PTGER3: variants seen among roughly 807,000 people sequenced by gnomAD.
PTGER3 encodes prostaglandin E receptor 3, also known as prostaglandin E2 receptor EP3 subtype.
Under a neutral mutation model 34.7 loss-of-function variants are expected in PTGER3, and 22 were observed. The observed-to-expected ratio is 0.63, with a 90% CI of 0.45 to 0.91. PTGER3 has a LOEUF of 0.91. Among genes scored for constraint, PTGER3 ranks in the 40% least tolerant of loss-of-function variants. The pLI, the probability that PTGER3 is intolerant of heterozygous loss-of-function variation, is 0.00. For missense variants in PTGER3, 468 were observed against 519.4 expected, an observed-to-expected ratio of 0.90 and a Z score of 0.96; for synonymous variants, 241 against 230.1, an observed-to-expected ratio of 1.05 and a Z score of -0.43.
chr1:71,008,371 A>G (rs754485401), intron 2 of PTGER3: 12 of 864,418 alleles, frequency 1.4e-5, no homozygotes, highest in African/African-American at 1.8e-5. Flanking sequence ...TTATGGTATC[A>G]TAATGTAATG....
chr1:70,960,292 T>G (rs781702357), intron 2 of PTGER3, among the ~76,000 whole-genome samples: 2 of 152,172 alleles, frequency 1.3e-5, no homozygotes, highest in Non-Finnish European at 2.9e-5. Flanking sequence ...TTCACAGTTG[T>G]GCCAGAAAAT....
At chr1:70,869,900 G>T (rs141877553) in intron 4 of PTGER3, among the ~76,000 whole-genome samples, 1 of 152,146 alleles carries the variant, frequency 6.6e-6, no homozygotes, top group East Asian at 1.9e-4. Flanking sequence ...AGTGCCAGTG[G>T]TTCTTCCATT....
chr1:70,986,252 C>T (rs1272044127), intron 2 of PTGER3, among the ~76,000 whole-genome samples: 3 of 152,134 alleles, frequency 2.0e-5, no homozygotes, highest in East Asian at 3.9e-4. Context: ...AATCGACTCT[C>T]GGGGCTGCTT....
At chr1:70,967,291 G>A (rs533338591), downstream of PTGER3, among the ~76,000 whole-genome samples, 31 of 151,764 alleles carry the variant, frequency 2.0e-4, no homozygotes, top group African/African-American at 4.6e-4. Context: ...CTGGTCCACC[G>A]AGACTATTCA....
intron 2 of PTGER3, among the ~76,000 whole-genome samples, chr1:70,978,776 C>T (rs962517938): frequency 2.0e-5 from 3 of 152,098 alleles, no homozygotes; most frequent in Non-Finnish European, 4.4e-5. Context: ...ATGCCAGCTG[C>T]CACCAAGAGG....
intron 4 of PTGER3, chr1:70,865,788 A>G (rs1403221422): frequency 7.3e-7 from 1 of 1,367,068 alleles, no homozygotes. Context: ...GGCTGAGCAC[A>G]GAACCTTGAA....
chr1:70,857,648 G>A (rs1043496425), intron 4 of PTGER3, among the ~76,000 whole-genome samples: 1 of 151,914 alleles, frequency 6.6e-6, no homozygotes, highest in Non-Finnish European at 1.5e-5. Context: ...CCATTCTCCT[G>A]CCTCAGCCTC....
At chr1:70,947,931 G>A (rs1350910910), downstream of PTGER3, among the ~76,000 whole-genome samples, 1 of 152,072 alleles carries the variant, frequency 6.6e-6, no homozygotes, top group African/African-American at 2.4e-5. Flanking sequence ...ATTCTAAGAA[G>A]CAAAATGTAA....
Position 70,928,240 on chromosome 1 carries a change from C to T in PTGER3, c.*23+25523G>A, listed in dbSNP as rs116693132. ...ATGTGTGTAAGAGATATCAGTAGGGCTGAAAACTACTGCCTTGTATAGAAA... is the reference window on the plus strand; with the variant it reads ...ATGTGTGTAAGAGATATCAGTAGGGTTGAAAACTACTGCCTTGTATAGAAA... On this transcript the variant is annotated intron_variant, in intron 4 of 4. Transcript: ENST00000370931. 7.8e-3 allele frequency among the ~76,000 whole-genome samples: 1,157 copies of T among 149,254 alleles called. 12 individuals are homozygous for T. Among genetic ancestry groups the T allele is most frequent in the African/African-American group, 0.026 (1,043 of 40,750 alleles).
At chr1:70,932,994 A>G (rs901879984) in intron 4 of PTGER3, among the ~76,000 whole-genome samples, 2 of 152,120 alleles carry the variant, frequency 1.3e-5, no homozygotes, top group Non-Finnish European at 2.9e-5. Flanking sequence ...ACTATACTAA[A>G]TTATATCAGT....
intron 2 of PTGER3, among the ~76,000 whole-genome samples, chr1:70,996,176 T>C (rs1206107016): frequency 6.6e-6 from 1 of 152,156 alleles, no homozygotes; most frequent in East Asian, 1.9e-4. Context: ...ATGCCAGAAA[T>C]TTCAGCATTT....
intron 4 of PTGER3, among the ~76,000 whole-genome samples, chr1:70,921,950 T>A (rs1030761407): frequency 6.6e-6 from 1 of 152,242 alleles, no homozygotes; most frequent in African/African-American, 2.4e-5. Flanking sequence ...TAATGCCTTT[T>A]AGTTCATGTG....
chr1:70,869,274 C>T (rs1291789405), intron 4 of PTGER3: 1 of 471,574 alleles, frequency 2.1e-6, no homozygotes, highest in Non-Finnish European at 4.4e-6. Flanking sequence ...GTCCTGGGGA[C>T]CTGCCTCCAT....
intron 1 of PTGER3, among the ~76,000 whole-genome samples, chr1:71,025,684 A>G (rs1184200537): frequency 6.6e-6 from 1 of 152,232 alleles, no homozygotes; most frequent in Non-Finnish European, 1.5e-5. Flanking sequence ...ATAAGAGACT[A>G]TGCTTGCCTG....
chr1:70,997,815 C>T (rs527801629), intron 2 of PTGER3, among the ~76,000 whole-genome samples: 72 of 152,314 alleles, frequency 4.7e-4, no homozygotes, highest in Admixed American at 2.7e-3. Context: ...TTGTCTTTTA[C>T]ACCAATTCCA....
At chr1:70,891,529 A>G (rs1169585003) in intron 4 of PTGER3, among the ~76,000 whole-genome samples, 4 of 152,202 alleles carry the variant, frequency 2.6e-5, no homozygotes, top group Non-Finnish European at 5.9e-5. Flanking sequence ...TTAAGAAAAA[A>G]AAAAAGAAAA....
intron 1 of PTGER3, among the ~76,000 whole-genome samples, chr1:71,017,787 GAC>G (rs1313253309): frequency 1.3e-5 from 2 of 152,078 alleles, no homozygotes; most frequent in Non-Finnish European, 2.9e-5. Flanking sequence ...GTGCTTTTGA[GAC>G]AGTCTTGCTC....
chr1:70,913,336 T>A (rs951145895), intron 4 of PTGER3, among the ~76,000 whole-genome samples: 14 of 151,984 alleles, frequency 9.2e-5, no homozygotes, highest in African/African-American at 3.1e-4. Flanking sequence ...ACTTGTAAAT[T>A]TTAACCATGT....
chr1:70,992,161 C>T (rs1466396862), intron 2 of PTGER3, among the ~76,000 whole-genome samples: 1 of 152,106 alleles, frequency 6.6e-6, no homozygotes, highest in African/African-American at 2.4e-5. Flanking sequence ...GGGGTTTGAA[C>T]CCAAGTAGTC....
Sources: allele counts gnomAD v4.1 joint callset (sites outside exome capture counted in the v4.1 genomes callset), GRCh38; gene constraint gnomAD v4.1.1; transcripts MANE v1.5; gene names NCBI Gene and HGNC (gene_info 2026-07-23, HGNC 2026-07-21).